Variants in NR1I2 observed in about 807,000 individuals in gnomAD.
NR1I2 encodes orphan nuclear receptor PAR1.
In NR1I2, 42 loss-of-function variants were observed where a neutral mutation model predicts 43.3. That is an observed-to-expected ratio of 0.97 (90% CI 0.76 to 1.26). The LOEUF (loss-of-function observed/expected upper bound fraction) is 1.26. Ranked by LOEUF, NR1I2 falls within the 50% of genes most tolerant of loss-of-function variation. The pLI, the probability that NR1I2 is intolerant of heterozygous loss-of-function variation, is 0.00. For synonymous variants in NR1I2, 229 were observed against 215.0 expected (o/e 1.06, Z -0.57); for missense variants, 559 against 566.7 (o/e 0.99, Z 0.14).
At chr3:119,785,058 A>G (rs1559781360) in intron 1 of NR1I2, among the ~76,000 whole-genome samples, 1 of 152,130 alleles carries the variant, frequency 6.6e-6, no homozygotes, top group Non-Finnish European at 1.5e-5. Flanking sequence ...ATCTTTACAA[A>G]CCTTAATTTT....
At chr3:119,790,315 A>G (rs2054901878) in intron 1 of NR1I2, among the ~76,000 whole-genome samples, 1 of 152,168 alleles carries the variant, frequency 6.6e-6, no homozygotes, top group Non-Finnish European at 1.5e-5. Flanking sequence ...TCAGTTGATG[A>G]AATTTGGGTT....
chr3:119,803,578 T>C (rs1277085847), intron 1 of NR1I2, among the ~76,000 whole-genome samples: 1 of 152,212 alleles, frequency 6.6e-6, no homozygotes, highest in Non-Finnish European at 1.5e-5. Flanking sequence ...TCCGATATTT[T>C]GTTATGGCAA....
intron 1 of NR1I2, among the ~76,000 whole-genome samples, chr3:119,787,116 C>T (rs539472028): frequency 5.7e-4 from 86 of 151,992 alleles, no homozygotes; most frequent in African/African-American, 1.9e-3. Context: ...GGCGAAAACC[C>T]GTCTCTACTA....
In NR1I2 at chr3:119,815,034, T is replaced by G; in HGVS notation, c.850T>G (p.Cys284Gly). ...GCTGAAGGGGGCCGCTTTCGAGCTG[T>G]GTCAACTGAGATTCAACACAGTGTT... Residue 284 changes from cysteine to glycine, a missense_variant, in exon 6 of 9, where the codon TGT becomes GGT. Transcript: ENST00000393716. The G allele has an allele frequency of 6.2e-7, 1 of 1,614,184 alleles. No homozygotes were observed. The highest frequency in any genetic ancestry group is 8.5e-7 in the Non-Finnish European group (1 of 1,180,022).
At chr3:119,799,667 C>T (rs1268911259) in intron 1 of NR1I2, among the ~76,000 whole-genome samples, 4 of 152,122 alleles carry the variant, frequency 2.6e-5, no homozygotes, top group African/African-American at 9.7e-5. Context: ...GTCTTACCAA[C>T]CACCAGTAAT....
intron 1 of NR1I2, among the ~76,000 whole-genome samples, chr3:119,790,616 T>C (rs1291331080): frequency 6.6e-6 from 1 of 152,208 alleles, no homozygotes; most frequent in East Asian, 1.9e-4. Context: ...TAAAGTGATG[T>C]TTCATTATGG....
chr3:119,793,812 A>G (rs1447042045), intron 1 of NR1I2, among the ~76,000 whole-genome samples: 1 of 152,156 alleles, frequency 6.6e-6, no homozygotes, highest in Non-Finnish European at 1.5e-5. Context: ...CCTTTATTCT[A>G]TCTACCATAA....
intron 8 of NR1I2, among the ~76,000 whole-genome samples, chr3:119,816,827 GAA>G (rs10714748): frequency 1.1e-3 from 148 of 131,804 alleles, no homozygotes; most frequent in East Asian, 3.0e-3. Flanking sequence ...TCCCTTTAAA[GAA>G]AAAAAAAAAA....
chr3:119,809,442 C>T (rs1344897944), intron 2 of NR1I2, among the ~76,000 whole-genome samples: 1 of 152,044 alleles, frequency 6.6e-6, no homozygotes, highest in African/African-American at 2.4e-5. Flanking sequence ...TCCACTCTGC[C>T]ATGGGGAAGT....
Position 119,812,850 on chromosome 3 carries a change from A to T in NR1I2, c.684A>T (p.Pro228=). The T allele has an allele frequency of 6.2e-7, 1 of 1,614,214 alleles. No individual in the cohort carries two copies. Among genetic ancestry groups the T allele is most frequent in the Non-Finnish European group, 8.5e-7 (1 of 1,180,040 alleles). ...GCAGTGTCTGGAACTACAAACCCCC[A>T]GCCGACAGTGGCGGGAAAGAGATCT... The change falls in exon 5 of 9, where the codon CCA becomes CCT. Residue 228 remains proline (P), a synonymous_variant. Coordinates refer to ENST00000393716, the MANE Select transcript of NR1I2 (RefSeq NM_003889.4).
chr3:119,815,190 AC>A lies in NR1I2; in HGVS notation c.937+70del. 1.9e-6 allele frequency: 3 copies of A among 1,607,838 alleles called. No individual in the cohort carries two copies. The South Asian group carries it at 3.3e-5, about 18-fold the overall frequency. The stretch of plus-strand genomic sequence containing the variant: ...CTGCAGTTATGGGAGGAAGGGAGCT[AC>A]GCCAGGATATGCAGGTTCTGGGATG... On this transcript the variant is annotated intron_variant, in intron 6 of 8. Coordinates refer to ENST00000393716, the MANE Select transcript of NR1I2 (RefSeq NM_003889.4).
chr3:119,804,680 A>T (rs1480892702), intron 1 of NR1I2, among the ~76,000 whole-genome samples: 1 of 152,004 alleles, frequency 6.6e-6, no homozygotes, highest in African/African-American at 2.4e-5. Context: ...TCCTAACCTC[A>T]GGTGATCTGC....
intron 1 of NR1I2, among the ~76,000 whole-genome samples, chr3:119,801,611 G>A (rs1209111114): frequency 6.6e-6 from 1 of 152,190 alleles, no homozygotes; most frequent in Non-Finnish European, 1.5e-5. Context: ...CCCAACTCCA[G>A]GGGTTCCACT....
At chr3:119,806,349 A>G (rs72554008) in intron 1 of NR1I2, among the ~76,000 whole-genome samples, 3,815 of 152,206 alleles carry the variant, frequency 0.025, 75 homozygotes, top group Non-Finnish European at 0.04. Context: ...CTCTGGCATG[A>G]TTCTAGCTCA....
At chr3:119,805,292 G>A in intron 1 of NR1I2, among the ~76,000 whole-genome samples, 1 of 152,034 alleles carries the variant, frequency 6.6e-6, no homozygotes, top group Non-Finnish European at 1.5e-5. Flanking sequence ...ATCATGCTGT[G>A]CCAGTCTTTT....
chr3:119,785,579 C>T (rs909129444), intron 1 of NR1I2, among the ~76,000 whole-genome samples: 2 of 152,178 alleles, frequency 1.3e-5, no homozygotes, highest in African/African-American at 4.8e-5. Context: ...AGTTTATAGT[C>T]TATGATCTGG....
chr3:119,794,930 ACT>A (rs2054976114), intron 1 of NR1I2, among the ~76,000 whole-genome samples: 2 of 152,024 alleles, frequency 1.3e-5, no homozygotes, highest in South Asian at 2.1e-4. Context: ...CAAGATTGAA[ACT>A]CTGTCTCAAA....
chr3:119,790,666 A>G (rs915814889), intron 1 of NR1I2, among the ~76,000 whole-genome samples: 1 of 152,188 alleles, frequency 6.6e-6, no homozygotes, highest in African/African-American at 2.4e-5. Context: ...GATGTTGAGT[A>G]CTTTTTCATG....
At chr3:119,804,173 C>T (rs2055119040) in intron 1 of NR1I2, among the ~76,000 whole-genome samples, 1 of 151,084 alleles carries the variant, frequency 6.6e-6, no homozygotes, top group Admixed American at 6.6e-5. Flanking sequence ...AGATCGAGAC[C>T]ATCCTGGCCA....
Sources: gnomAD v4.1 joint callset for allele counts (sites outside exome capture counted in the v4.1 genomes callset) on GRCh38, gnomAD v4.1.1 for gene constraint, MANE v1.5 for transcripts, NCBI Gene and HGNC (gene_info 2026-07-23, HGNC 2026-07-21) for gene names.